Variants in DTNB observed in about 807,000 individuals in gnomAD.
DTNB encodes DTN-B.
A neutral mutation model predicts 90.7 loss-of-function variants in DTNB; 63 were observed. The observed-to-expected ratio is 0.69, with a 90% CI of 0.57 to 0.86. DTNB has a LOEUF of 0.86. Among genes scored for constraint, DTNB ranks in the 40% least tolerant of loss-of-function variants. The probability of loss-of-function intolerance (pLI) is 0.00; values close to 1 mark genes in which losing one functional copy is unlikely to be tolerated. For missense variants in DTNB, 744 were observed against 807.1 expected, an observed-to-expected ratio of 0.92 and a Z score of 0.95; for synonymous variants, 277 against 286.7, an observed-to-expected ratio of 0.97 and a Z score of 0.34.
At chr2:25,659,477 G>T (rs966897798) in intron 1 of DTNB, among the ~76,000 whole-genome samples, 8 of 151,950 alleles carry the variant, frequency 5.3e-5, no homozygotes, top group African/African-American at 1.9e-4. Context: ...TCTTTGAAAA[G>T]ATCAATAAAA....
At chr2:25,575,303 T>C (rs1185332870) in intron 8 of DTNB, among the ~76,000 whole-genome samples, 2 of 151,702 alleles carry the variant, frequency 1.3e-5, no homozygotes, top group Non-Finnish European at 1.5e-5. Flanking sequence ...ACTTGTACTT[T>C]AAGAAAGCAA....
chr2:25,526,366 T>TATATATAA (rs1553487424), intron 9 of DTNB, among the ~76,000 whole-genome samples: 42 of 76,726 alleles, frequency 5.5e-4, no homozygotes, highest in African/African-American at 8.6e-4. Flanking sequence ...TATATAAATA[T>TATATATAA]ATATATATAT....
chr2:25,568,384 T>A lies in DTNB; in HGVS notation c.876+8454A>T, dbSNP rs111690020. ...AGGGAGGGAAGGAAGTACGCAGGCA[T>A]GGAGGGAGTTTGGTTTAAAGTGAAT... is the stretch of plus-strand genomic sequence containing the variant. On this transcript the variant is annotated intron_variant, in intron 8 of 20. Transcript: ENST00000406818. Among the ~76,000 whole-genome samples, 505 of 151,996 alleles carry A rather than the reference T, an allele frequency of 3.3e-3. 2 individuals carry two copies. The highest frequency in any genetic ancestry group is 0.011 in the African/African-American group (475 of 41,440).
intron 3 of DTNB, among the ~76,000 whole-genome samples, chr2:25,634,093 C>T (rs1333219124): frequency 3.3e-5 from 5 of 150,910 alleles, no homozygotes; most frequent in Admixed American, 1.3e-4. Flanking sequence ...CCAGCCGCCC[C>T]GTCCGGGAGG....
intron 10 of DTNB, among the ~76,000 whole-genome samples, chr2:25,476,122 G>A (rs1049401041): frequency 1.4e-5 from 2 of 147,800 alleles, no homozygotes; most frequent in African/African-American, 5.0e-5. Context: ...AGGCTGGAGT[G>A]CAATGGCACA....
intron 16 of DTNB, among the ~76,000 whole-genome samples, chr2:25,408,214 C>T (rs1398152983): frequency 5.9e-5 from 9 of 151,950 alleles, no homozygotes; most frequent in Non-Finnish European, 1.3e-4. Context: ...GAGGCTGAGG[C>T]AGGAGAATTA....
intron 16 of DTNB, among the ~76,000 whole-genome samples, chr2:25,389,908 A>C (rs1420105215): frequency 1.3e-5 from 2 of 152,158 alleles, no homozygotes; most frequent in Non-Finnish European, 2.9e-5. Context: ...AAGTTAAAAA[A>C]AATACAGAAA....
intron 10 of DTNB, among the ~76,000 whole-genome samples, chr2:25,468,314 T>A (rs900017806): frequency 3.9e-5 from 6 of 152,148 alleles, no homozygotes; most frequent in African/African-American, 1.4e-4. Flanking sequence ...GGAACAAACA[T>A]ACTTTGCTTC....
At chr2:25,475,248 T>A (rs2063538536) in intron 10 of DTNB, among the ~76,000 whole-genome samples, 1 of 152,258 alleles carries the variant, frequency 6.6e-6, no homozygotes, top group South Asian at 2.1e-4. Flanking sequence ...TTAAAAGTGG[T>A]ACTCCACTGT....
chr2:25,504,570 A>AAG (rs993058280), intron 9 of DTNB, among the ~76,000 whole-genome samples: 2 of 151,522 alleles, frequency 1.3e-5, no homozygotes, highest in Non-Finnish European at 2.9e-5. Flanking sequence ...GAAAGAAAGA[A>AAG]AGAAAGAAAA....
At chr2:25,672,202 GCAAAA>G (rs1206402674) in intron 1 of DTNB, among the ~76,000 whole-genome samples, 1 of 18,996 alleles carries the variant, frequency 5.3e-5, no homozygotes, top group East Asian at 1.7e-3. Flanking sequence ...GCCTCGCATA[GCAAAA>G]AAAAAAAAAA....
intron 5 of DTNB, among the ~76,000 whole-genome samples, chr2:25,598,294 T>C (rs2065067029): frequency 6.6e-6 from 1 of 151,980 alleles, no homozygotes; most frequent in South Asian, 2.1e-4. Context: ...GATATAGAAA[T>C]CACTCTAGAA....
At chr2:25,463,977 C>T (rs1177418597) in intron 10 of DTNB, among the ~76,000 whole-genome samples, 1 of 152,234 alleles carries the variant, frequency 6.6e-6, no homozygotes, top group Non-Finnish European at 1.5e-5. Flanking sequence ...GCAATCTCGG[C>T]TCACTGCAAC....
intron 4 of DTNB, among the ~76,000 whole-genome samples, chr2:25,611,331 T>C (rs1014668643): frequency 3.3e-5 from 5 of 152,200 alleles, no homozygotes; most frequent in African/African-American, 7.2e-5. Context: ...TGTTGACTTA[T>C]TGATATTCCT....
chr2:25,542,514 T>C (rs577337061), intron 8 of DTNB, among the ~76,000 whole-genome samples: 1 of 152,312 alleles, frequency 6.6e-6, no homozygotes, highest in East Asian at 1.9e-4. Flanking sequence ...TTGGTACCAA[T>C]GTTATTCCCT....
intron 8 of DTNB, among the ~76,000 whole-genome samples, chr2:25,550,118 G>A (rs905463196): frequency 9.2e-5 from 14 of 152,218 alleles, no homozygotes; most frequent in African/African-American, 2.4e-4. Context: ...TTGGCCGGGC[G>A]CGGTGGCTCA....
intron 12 of DTNB, among the ~76,000 whole-genome samples, chr2:25,434,568 A>G (rs1304883541): frequency 6.6e-6 from 1 of 151,880 alleles, no homozygotes; most frequent in African/African-American, 2.4e-5. Flanking sequence ...CTGGCCTAGT[A>G]GTCCCTTCTT....
At chr2:25,627,238 C>A (rs2074374253) in intron 4 of DTNB, among the ~76,000 whole-genome samples, 2 of 152,062 alleles carry the variant, frequency 1.3e-5, no homozygotes, top group Admixed American at 1.3e-4. Context: ...CATGGAGAAA[C>A]CCTGTCTCTA....
chr2:25,513,767 A>C (rs562590481), intron 9 of DTNB, among the ~76,000 whole-genome samples: 9 of 150,926 alleles, frequency 6.0e-5, no homozygotes, highest in South Asian at 2.1e-4. Flanking sequence ...AAAAAAAAAA[A>C]CCCCACAAGA....
Sources: allele counts gnomAD v4.1 joint callset (sites outside exome capture counted in the v4.1 genomes callset), GRCh38; gene constraint gnomAD v4.1.1; transcripts MANE v1.5; gene names NCBI Gene and HGNC (gene_info 2026-07-23, HGNC 2026-07-21).